ARL15: variants seen among roughly 807,000 people sequenced by gnomAD.
The protein encoded by ARL15 is ADP-ribosylation factor-like protein 15.
In ARL15, 19 loss-of-function variants were observed where a neutral mutation model predicts 25.2. The observed-to-expected ratio is 0.75, with a 90% CI of 0.53 to 1.10. ARL15 has a LOEUF of 1.10. Ranked by LOEUF, ARL15 falls within the 50% of genes least tolerant of loss-of-function variation. ARL15 has a pLI of 0.00. For synonymous variants in ARL15, 94 were observed against 86.8 expected, an observed-to-expected ratio of 1.08 and a Z score of -0.46; for missense variants, 220 against 246.0, an observed-to-expected ratio of 0.89 and a Z score of 0.71.
intron 1 of ARL15, among the ~76,000 whole-genome samples, chr5:54,309,628 C>A (rs1232955740): frequency 1.3e-5 from 2 of 152,194 alleles, no homozygotes; most frequent in Non-Finnish European, 2.9e-5. Flanking sequence ...TCCCCTTAAA[C>A]GCAAACAAGC....
chr5:54,245,551 T>C (rs1206334916), intron 1 of ARL15, among the ~76,000 whole-genome samples: 1 of 152,114 alleles, frequency 6.6e-6, no homozygotes, highest in Non-Finnish European at 1.5e-5. Flanking sequence ...AAATGCTCCC[T>C]GGGTCCTAAG....
chr5:54,094,205 G>A lies in ARL15; in HGVS notation c.462+18997C>T, dbSNP rs539065185. Among the ~76,000 whole-genome samples, 46 of 152,222 alleles carry A rather than the reference G, an allele frequency of 3.0e-4. No individual in the cohort carries two copies. The South Asian group carries it at 8.7e-3, about 29-fold the overall frequency. On this transcript the variant is annotated intron_variant, in intron 4 of 4. Coordinates refer to ENST00000504924, the MANE Select transcript of ARL15 (RefSeq NM_019087.3). The stretch of plus-strand genomic sequence containing the variant: ...TTTGTGACTTCCTAGACCAGACCAC[G>A]TAGAGTCTCATATGGCTTTTATTTG...
intron 4 of ARL15, among the ~76,000 whole-genome samples, chr5:53,975,990 T>G (rs1400813488): frequency 2.6e-5 from 4 of 152,230 alleles, no homozygotes; most frequent in African/African-American, 9.6e-5. Context: ...GATTGAAGAT[T>G]CGCACATCCT....
At chr5:54,301,210 A>C (rs953417080) in intron 1 of ARL15, among the ~76,000 whole-genome samples, 2 of 152,218 alleles carry the variant, frequency 1.3e-5, no homozygotes, top group African/African-American at 4.8e-5. Flanking sequence ...ATCGTACAGG[A>C]GCATAAGTAC....
chr5:54,048,395 A>T (rs1447192641), intron 4 of ARL15: 1 of 106,940 alleles, frequency 9.4e-6, no homozygotes, highest in Non-Finnish European at 1.8e-5. Context: ...TATATAAATT[A>T]TATATATATA....
chr5:54,219,762 C>A (rs1048791760), intron 1 of ARL15, among the ~76,000 whole-genome samples: 1 of 152,070 alleles, frequency 6.6e-6, no homozygotes. Context: ...TAAGAATTTC[C>A]AAAAATCACA....
At chr5:53,947,609 C>T (rs1465373130) in intron 4 of ARL15, among the ~76,000 whole-genome samples, 19 of 152,118 alleles carry the variant, frequency 1.2e-4, no homozygotes, top group South Asian at 2.1e-4. Context: ...GATCCCAGCA[C>T]GCAGCCCAGC....
chr5:53,960,342 A>G (rs1015926573), intron 4 of ARL15, among the ~76,000 whole-genome samples: 3 of 152,188 alleles, frequency 2.0e-5, no homozygotes, highest in Non-Finnish European at 4.4e-5. Flanking sequence ...CTTAACAGTG[A>G]TTTTCTTATT....
At chr5:54,016,525 T>C (rs1335818825) in intron 4 of ARL15, among the ~76,000 whole-genome samples, 2 of 152,230 alleles carry the variant, frequency 1.3e-5, no homozygotes. Context: ...CATTTTCATG[T>C]TGCTTTAGGA....
intron 1 of ARL15, among the ~76,000 whole-genome samples, chr5:54,243,755 C>G (rs144769918): frequency 2.2e-4 from 34 of 152,284 alleles, no homozygotes; most frequent in African/African-American, 8.2e-4. Flanking sequence ...TGTGTAATCT[C>G]TTGATATCAA....
chr5:54,237,263 C>G (rs1348801551), intron 1 of ARL15, among the ~76,000 whole-genome samples: 1 of 152,202 alleles, frequency 6.6e-6, no homozygotes, highest in African/African-American at 2.4e-5. Flanking sequence ...GCTACCCCTT[C>G]CCATTCTGCC....
At chr5:53,989,576 GGTGTGT>G (rs34198507) in intron 4 of ARL15, among the ~76,000 whole-genome samples, 5 of 149,468 alleles carry the variant, frequency 3.3e-5, no homozygotes, top group East Asian at 2.0e-4. Context: ...ACCAGGGAGG[GGTGTGT>G]GTGTGTGTGT....
At chr5:54,275,588 C>T (rs1757906703) in intron 1 of ARL15, among the ~76,000 whole-genome samples, 1 of 152,134 alleles carries the variant, frequency 6.6e-6, no homozygotes, top group South Asian at 2.1e-4. Flanking sequence ...GGAAGAACAA[C>T]AAGCTAGAAA....
chr5:54,245,485 A>C (rs1387269969), intron 1 of ARL15, among the ~76,000 whole-genome samples: 2 of 152,202 alleles, frequency 1.3e-5, no homozygotes, highest in African/African-American at 4.8e-5. Flanking sequence ...ATCTGGACTC[A>C]GGTACCAGCT....
At chr5:54,088,650 A>G (rs1561219372) in intron 4 of ARL15, among the ~76,000 whole-genome samples, 2 of 152,186 alleles carry the variant, frequency 1.3e-5, no homozygotes, top group African/African-American at 4.8e-5. Context: ...GCCCTAGTGA[A>G]GCATAAACTC....
intron 4 of ARL15, among the ~76,000 whole-genome samples, chr5:53,989,955 T>C (rs1748429717): frequency 6.6e-6 from 1 of 152,132 alleles, no homozygotes; most frequent in Non-Finnish European, 1.5e-5. Context: ...AGCACAAGGC[T>C]GGGCACTGTG....
intron 4 of ARL15, among the ~76,000 whole-genome samples, chr5:54,070,318 G>A (rs930007307): frequency 2.0e-5 from 3 of 151,824 alleles, no homozygotes; most frequent in Non-Finnish European, 4.4e-5. Flanking sequence ...TGTGAACCTG[G>A]AAGGTGGAGC....
At chr5:53,960,251 C>G (rs1196641977) in intron 4 of ARL15, among the ~76,000 whole-genome samples, 1 of 152,132 alleles carries the variant, frequency 6.6e-6, no homozygotes, top group Non-Finnish European at 1.5e-5. Context: ...ATAAACATTT[C>G]CTGGTGCATA....
chr5:54,070,949 T>C (rs2112070786), intron 4 of ARL15, among the ~76,000 whole-genome samples: 1 of 151,902 alleles, frequency 6.6e-6, no homozygotes, highest in South Asian at 2.1e-4. Context: ...AGGGAGGATC[T>C]CCTGAGCTCA....
Sources: gnomAD v4.1 joint callset for allele counts (sites outside exome capture counted in the v4.1 genomes callset) on GRCh38, gnomAD v4.1.1 for gene constraint, MANE v1.5 for transcripts, NCBI Gene and HGNC (gene_info 2026-07-23, HGNC 2026-07-21) for gene names.